The following CDH13 variants were observed in gnomAD, a reference collection of about 807,000 sequenced individuals.
CDH13 encodes cadherin-13.
CDH13 carries 24 observed loss-of-function variants against 63.8 expected under a neutral mutation model. The ratio of observed to expected loss-of-function variants is 0.38; its 90% CI spans 0.27 to 0.53. CDH13 has a LOEUF of 0.53. Among genes scored for constraint, CDH13 ranks in the 20% least tolerant of loss-of-function variants. The pLI, the probability that CDH13 is intolerant of heterozygous loss-of-function variation, is 0.85. For missense variants in CDH13, 1,049 were observed against 903.1 expected, an observed-to-expected ratio of 1.16 and a Z score of -2.07; for synonymous variants, 503 against 355.3, an observed-to-expected ratio of 1.42 and a Z score of -4.67.
At chr16:83,125,309 G>A (rs2035761520) in intron 3 of CDH13, 76 bp from the exon 4 acceptor site, 3 of 799,658 alleles carry the variant, frequency 3.8e-6, no homozygotes, top group South Asian at 1.5e-5. Context: ...TCCCAACAAA[G>A]GAACTCTATC....
At chr16:83,110,579 T>A (rs1404771813) in intron 3 of CDH13, among the ~76,000 whole-genome samples, 2 of 152,192 alleles carry the variant, frequency 1.3e-5, no homozygotes, top group Non-Finnish European at 2.9e-5. Context: ...TGCTGCTACA[T>A]ACTTGTACAT....
At chr16:83,285,478 C>G (rs1371030446) in intron 5 of CDH13, among the ~76,000 whole-genome samples, 1 of 151,604 alleles carries the variant, frequency 6.6e-6, no homozygotes, top group Non-Finnish European at 1.5e-5. Flanking sequence ...CAGATATCCA[C>G]AGGTTCCAAC....
chr16:83,360,011 A>G (rs746243620), intron 6 of CDH13, among the ~76,000 whole-genome samples: 3 of 152,200 alleles, frequency 2.0e-5, no homozygotes, highest in Non-Finnish European at 2.9e-5. Flanking sequence ...TGGGCATTTC[A>G]TAGAGAGAGA....
intron 4 of CDH13, among the ~76,000 whole-genome samples, chr16:83,139,379 G>T (rs1430125384): frequency 3.3e-5 from 5 of 152,134 alleles, no homozygotes; most frequent in African/African-American, 9.7e-5. Flanking sequence ...ATGTGTAACA[G>T]CTGTGTTCAC....
In CDH13 at chr16:83,657,885, T is replaced by C. The variant is rs535381121; in HGVS notation, c.1102-12905T>C. On this transcript the variant is annotated intron_variant, in intron 8 of 13. Transcript: ENST00000567109. ...ATATCCTCACCAGCAAGGTCCCATA[T>C]CATCACCACCAGGTCCCATATCCTC... 2.0e-5 allele frequency among the ~76,000 whole-genome samples: 3 copies of C among 150,236 alleles called. No homozygotes were observed. The East Asian group carries it at 6.0e-4, about 30-fold the overall frequency.
chr16:83,090,931 G>C (rs989666965), intron 3 of CDH13, among the ~76,000 whole-genome samples: 1 of 150,752 alleles, frequency 6.6e-6, no homozygotes. Flanking sequence ...GCAAAATACT[G>C]TGTGGATATT....
At chr16:83,601,949 C>T (rs1907834219) in intron 7 of CDH13, among the ~76,000 whole-genome samples, 1 of 151,492 alleles carries the variant, frequency 6.6e-6, no homozygotes. Flanking sequence ...AAATATTAGC[C>T]AGGCATGGTG....
chr16:83,534,652 A>G (rs1034498141), intron 7 of CDH13, among the ~76,000 whole-genome samples: 19 of 152,332 alleles, frequency 1.2e-4, no homozygotes, highest in African/African-American at 4.3e-4. Flanking sequence ...AGCAGAGGTC[A>G]GCACTTCTTT....
At chr16:83,352,880 A>C (rs1308768176) in intron 6 of CDH13, among the ~76,000 whole-genome samples, 1 of 152,166 alleles carries the variant, frequency 6.6e-6, no homozygotes, top group Non-Finnish European at 1.5e-5. Flanking sequence ...ATAGAGCGAG[A>C]CTCCGTCTCA....
chr16:82,858,563 C>T, intron 2 of CDH13, 90 bp downstream of exon 2: 1 of 866,556 alleles, frequency 1.2e-6, no homozygotes, highest in Non-Finnish European at 1.9e-6. Context: ...GTGGTATTTC[C>T]TAAACTAAGT....
At chr16:82,802,838 G>A (rs779212067) in intron 1 of CDH13, among the ~76,000 whole-genome samples, 39 of 152,284 alleles carry the variant, frequency 2.6e-4, no homozygotes, top group African/African-American at 4.1e-4. Flanking sequence ...AAACTTCAGC[G>A]CTTTTCCAAC....
At chr16:83,619,104 C>T (rs548198546) in intron 8 of CDH13, among the ~76,000 whole-genome samples, 24 of 152,320 alleles carry the variant, frequency 1.6e-4, no homozygotes, top group African/African-American at 5.5e-4. Flanking sequence ...CACGTGATAA[C>T]GTTATGCTGT....
At chr16:82,663,515 T>G (rs551051543) in intron 1 of CDH13, among the ~76,000 whole-genome samples, 311 of 150,406 alleles carry the variant, frequency 2.1e-3, no homozygotes, top group African/African-American at 7.1e-3. Context: ...GTCCCCTGTA[T>G]GTCTCCTAGT....
chr16:83,085,098 A>G (rs1417516352), intron 3 of CDH13, among the ~76,000 whole-genome samples: 2 of 152,010 alleles, frequency 1.3e-5, no homozygotes, highest in Non-Finnish European at 2.9e-5. Flanking sequence ...GTTGATAGAG[A>G]CATAGCTGAG....
At chr16:83,705,393 C>A (rs928577893) in intron 10 of CDH13, among the ~76,000 whole-genome samples, 1 of 152,030 alleles carries the variant, frequency 6.6e-6, no homozygotes, top group Non-Finnish European at 1.5e-5. Flanking sequence ...GAGGCTGAGG[C>A]GGGCAGATCA....
intron 10 of CDH13, among the ~76,000 whole-genome samples, chr16:83,708,961 T>C (rs1355600744): frequency 6.6e-6 from 1 of 151,776 alleles, no homozygotes; most frequent in Admixed American, 6.6e-5. Flanking sequence ...GAGGCGGAGG[T>C]TGTGATGAGC....
rs764433326 is a variant in CDH13 at position 83,032,054 on chromosome 16, G to A, written c.202G>A (p.Val68Ile). ...GGGAAACGACAAGCTACGCTATGAG[G>A]TCTCGAGCCCATACTTCAAGGTGAA... is the stretch of plus-strand genomic sequence containing the variant. ...CKGNDKLRYE[V>I]SSPYFKVNSD... Residue 68 changes from valine to isoleucine, a missense_variant, in exon 3 of 14, where the codon GTC becomes ATC. By Grantham distance (29) the Val-to-Ile change is conservative (BLOSUM62 3). Transcript: ENST00000567109. The A allele has an allele frequency of 2.5e-6, 4 of 1,608,618 alleles. No individual in the cohort carries two copies. The highest frequency in any genetic ancestry group is 2.7e-5 in the African/African-American group (2 of 74,846).
intron 6 of CDH13, among the ~76,000 whole-genome samples, chr16:83,473,409 G>A (rs995072165): frequency 1.3e-5 from 2 of 152,156 alleles, no homozygotes. Context: ...TGAATTGTGT[G>A]GTATTTCACT....
At chr16:82,803,815 A>G (rs2151165123) in intron 1 of CDH13, among the ~76,000 whole-genome samples, 1 of 152,342 alleles carries the variant, frequency 6.6e-6, no homozygotes, top group East Asian at 1.9e-4. Flanking sequence ...TTGGGGGAGC[A>G]GAAAGGGGAA....
Sources: gnomAD v4.1 joint callset for allele counts (sites outside exome capture counted in the v4.1 genomes callset) on GRCh38, gnomAD v4.1.1 for gene constraint, MANE v1.5 for transcripts, NCBI Gene and HGNC (gene_info 2026-07-23, HGNC 2026-07-21) for gene names.